Variants in DPF1 observed in about 807,000 individuals in gnomAD.
DPF1 encodes the protein double PHD fingers 1.
A neutral mutation model predicts 58.7 loss-of-function variants in DPF1; 14 were observed. That is an observed-to-expected ratio of 0.24 (90% confidence interval 0.16 to 0.37). The LOEUF (loss-of-function observed/expected upper bound fraction) is 0.37, where lower values mean the gene tolerates loss of function less well. Among genes scored for constraint, DPF1 ranks in the 10% least tolerant of loss-of-function variants. The pLI is 1.00. For missense variants in DPF1, 345 were observed against 529.9 expected (o/e 0.65, Z 3.43); for synonymous variants, 216 against 216.0 (o/e 1.00, Z 0.00).
chr19:38,226,539 C>CACACACA (rs1967832271), upstream of DPF1, among the ~76,000 whole-genome samples: 1 of 148,746 alleles, frequency 6.7e-6, no homozygotes, highest in Admixed American at 6.7e-5. Flanking sequence ...CACACACACA[C>CACACACA]TCCTCTAGTC....
At chr19:38,225,397 G>C (rs2146221304), upstream of DPF1, among the ~76,000 whole-genome samples, 1 of 151,980 alleles carries the variant, frequency 6.6e-6, no homozygotes, top group African/African-American at 2.4e-5. Context: ...CCAGACCCCT[G>C]TGTCTACAAA....
At chr19:38,226,575 A>G (rs1568643116), upstream of DPF1, among the ~76,000 whole-genome samples, 1 of 148,990 alleles carries the variant, frequency 6.7e-6, no homozygotes, top group Non-Finnish European at 1.5e-5. Flanking sequence ...AAACTCGCCC[A>G]TCTAAGCCAG....
In DPF1 at chr19:38,222,705, T is replaced by C. The variant is rs1015615084; in HGVS notation, c.33A>G (p.Leu11=). 7 of 1,596,120 alleles carry C rather than the reference T, an allele frequency of 4.4e-6. No homozygotes were observed. In the East Asian group the frequency reaches 1.6e-4, roughly 37 times the overall value. MATVIPGPLS[L]GEDFYREAIE... ...TGGCCTCGCGGTAGAAGTCCTCGCC[T>C]AGGCTAGAGGGGCGGCGAACGGGCG... Residue 11 remains leucine (L), a synonymous_variant, in exon 2 of 12, where the codon CTA becomes CTG. Transcript: ENST00000355526. The surrounding 1 kb of genome is among the most constrained non-coding windows in gnomAD (Gnocchi z 4.9).
intron 3 of DPF1, among the ~76,000 whole-genome samples, chr19:38,221,847 C>T (rs1258637050): frequency 6.6e-6 from 1 of 151,914 alleles, no homozygotes; most frequent in South Asian, 2.1e-4. Context: ...TTTGGGAGGC[C>T]GAGGTGGCCA....
intron 3 of DPF1, among the ~76,000 whole-genome samples, chr19:38,221,716 G>C (rs757575297): frequency 1.6e-4 from 25 of 152,090 alleles, no homozygotes; most frequent in Non-Finnish European, 3.1e-4. Flanking sequence ...TTGGAGGGCT[G>C]AGACAGGAGG....
upstream of DPF1, among the ~76,000 whole-genome samples, chr19:38,226,408 G>C (rs1372818406): frequency 3.3e-5 from 5 of 149,802 alleles, no homozygotes; most frequent in Non-Finnish European, 7.4e-5. Context: ...CGCCCCAGCC[G>C]ACAGAAGTGG....
In DPF1 at chr19:38,222,516, G is replaced by A. The variant is rs756494962; in HGVS notation, c.190+32C>T. On this transcript the variant is annotated intron_variant, in intron 2 of 11. Transcript: ENST00000355526. This position sits in a 1 kb window ranked among gnomAD's most constrained non-coding sequence, Gnocchi z 4.9. The stretch of plus-strand genomic sequence containing the variant: ...GGCGGCGGTGGGGCGGCCTGGCCCC[G>A]CCCCGCCCTGCGCCAGCCCTCCCGG... The A allele has an allele frequency of 3.1e-6, 5 of 1,603,584 alleles. No homozygotes were observed. Among genetic ancestry groups the A allele is most frequent in the Admixed American group, 1.7e-5 (1 of 58,804 alleles).
Position 38,216,147 on chromosome 19 carries a change from C to T in DPF1, c.891G>A (p.Gly297=). The T allele has an allele frequency of 3.7e-6, 6 of 1,613,188 alleles. No individual in the cohort carries two copies. Among genetic ancestry groups the T allele is most frequent in the Non-Finnish European group, 4.2e-6 (5 of 1,179,510 alleles). The change falls in exon 9 of 12, where the codon GGG becomes GGA. Residue 297 remains glycine (G), a synonymous_variant. Transcript: ENST00000355526. Reference sequence around the variant, plus strand: ...TCAGGTGGGGAGCATCACCTGATCGCCCACAGTCCGCACAGGAGATGAGGT... The same window carrying T: ...TCAGGTGGGGAGCATCACCTGATCGTCCACAGTCCGCACAGGAGATGAGGT... ...PEDLISCADC[G]RSGHPSCLQF...
chr19:38,221,571 A>G (rs1967477454), intron 3 of DPF1, among the ~76,000 whole-genome samples: 1 of 151,220 alleles, frequency 6.6e-6, no homozygotes, highest in Admixed American at 6.6e-5. Flanking sequence ...AGACTGATCC[A>G]TCCCAGTTCC....
Position 38,211,662 on chromosome 19 carries a change from T to TGGAGGACTCTTTGTATATA in DPF1, c.*382_*400dup, listed in dbSNP as rs1360125023. The stretch of plus-strand genomic sequence containing the variant: ...AGCGCCCCTCCACCCAGCCAGGCCT[T>TGGAGGACTCTTTGTATATA]GGAGGACTCTTTGTATATATTAACT... On this transcript the variant is annotated 3_prime_UTR_variant, in exon 12 of 12. Coordinates refer to ENST00000355526, the MANE Select transcript of DPF1 (RefSeq NM_001135155.3). The surrounding 1 kb of genome is among the most constrained non-coding windows in gnomAD (Gnocchi z 4.0). 6.4e-6 allele frequency: 1 copy of TGGAGGACTCTTTGTATATA among 156,518 alleles called. No homozygotes were observed. The highest frequency in any genetic ancestry group is 2.4e-5 in the African/African-American group (1 of 41,516). The allele number at this position is 156,518 out of a possible 1,614,324, so 9.7% of individuals were successfully genotyped here. A position where few individuals can be genotyped will look rare whatever the true frequency, so the allele number is the denominator to read the frequency against.
intron 10 of DPF1, 39 bp from the exon 11 acceptor site, chr19:38,212,400 A>G (rs1973515641): frequency 1.3e-6 from 1 of 767,954 alleles, no homozygotes; most frequent in Admixed American, 3.4e-5. Context: ...CCCTGGGGGC[A>G]CGGGCACCAG....
In DPF1 at chr19:38,229,619, CG is replaced by C; in HGVS notation, c.-193del. The C allele has an allele frequency of 9.4e-7, 1 of 1,058,312 alleles. No individual in the cohort carries two copies. Among genetic ancestry groups the C allele is most frequent in the East Asian group, 6.1e-5 (1 of 16,404 alleles). The allele number at this position is 1,058,312 out of a possible 1,614,324, so 65.6% of individuals were successfully genotyped here. ...CCGCTCGGCTGGGCCGCCTCCGGCC[CG>C]GGGCGCCGCTGCCGCCGCGCGCGGG... On this transcript the variant is annotated 5_prime_UTR_variant, in exon 1 of 12. Coordinates refer to the DPF1 transcript ENST00000412732. The surrounding 1 kb of genome is among the most constrained non-coding windows in gnomAD (Gnocchi z 5.3).
At chr19:38,219,081 G>A in intron 3 of DPF1, 23 bp from the exon 4 acceptor site, 2 of 1,612,376 alleles carry the variant, frequency 1.2e-6, no homozygotes, top group South Asian at 2.2e-5. Flanking sequence ...CCATGGGGGG[G>A]TCAGATGGGG....
intron 3 of DPF1, among the ~76,000 whole-genome samples, chr19:38,221,952 A>G (rs1967508058): frequency 2.0e-5 from 3 of 152,070 alleles, no homozygotes; most frequent in African/African-American, 7.2e-5. Context: ...ATGGTGGCGC[A>G]TGCCTGTAAT....
rs761121505 is a variant in DPF1 at position 38,219,068 on chromosome 19, G to A, written c.299-10C>T. On this transcript the variant is annotated splice_polypyrimidine_tract_variant and intron_variant, in intron 3 of 11. Transcript: ENST00000355526. ...AGGGGTGCTTCACAGTCTGGGGACA[G>A]GGCCATGGGGGGGTCAGATGGGGAA... The A allele has an allele frequency of 1.2e-6, 2 of 1,613,362 alleles. No individual in the cohort carries two copies. The highest frequency in any genetic ancestry group is 2.2e-5 in the South Asian group (2 of 91,076).
Position 38,211,407 on chromosome 19 carries a change from TG to T in DPF1, c.*655del, listed in dbSNP as rs1427659603. On this transcript the variant is annotated 3_prime_UTR_variant, in exon 12 of 12. Coordinates refer to ENST00000355526, the MANE Select transcript of DPF1 (RefSeq NM_001135155.3). The surrounding 1 kb of genome is among the most constrained non-coding windows in gnomAD (Gnocchi z 4.0). The stretch of plus-strand genomic sequence containing the variant: ...CGGCAGGCACGGGGCGGGCACAGGC[TG>T]GGGCGGTCGGGGAGGGGCAGGAACA... 6.6e-6 allele frequency: 1 copy of T among 152,172 alleles called. No individual in the cohort carries two copies. Among genetic ancestry groups the T allele is most frequent in the Non-Finnish European group, 1.5e-5 (1 of 68,134 alleles). The allele number at this position is 152,172 out of a possible 1,614,324, so 9.4% of individuals were successfully genotyped here. A position where few individuals can be genotyped will look rare whatever the true frequency, so the allele number is the denominator to read the frequency against.
intron 11 of DPF1, 21 bp downstream of exon 11, chr19:38,212,259 G>C (rs1410915634): frequency 2.8e-6 from 2 of 718,296 alleles, no homozygotes; most frequent in African/African-American, 4.0e-5. Context: ...CGCCCCATGG[G>C]ATGCCCACCT....
At chr19:38,220,247 G>GGAAA (rs751194906) in intron 3 of DPF1, among the ~76,000 whole-genome samples, 8 of 123,214 alleles carry the variant, frequency 6.5e-5, no homozygotes, top group South Asian at 5.2e-4. Flanking sequence ...AAAGAAGGAA[G>GGAAA]GAAAGAAAGA....
chr19:38,212,246 A>G lies in DPF1; in HGVS notation c.1093+34T>C, dbSNP rs746294615. Reference sequence around the variant, plus strand: ...CAACCAGGAGATGGCGTTCCCACCCACCCGCCCCATGGGATGCCCACCTCT... The same window carrying G: ...CAACCAGGAGATGGCGTTCCCACCCGCCCGCCCCATGGGATGCCCACCTCT... On this transcript the variant is annotated intron_variant, in intron 11 of 11. Transcript: ENST00000355526. 29 of 434,128 alleles carry G rather than the reference A, an allele frequency of 6.7e-5. No homozygotes were observed. In the African/African-American group the frequency reaches 8.9e-4, roughly 13 times the overall value. The allele number at this position is 434,128 out of a possible 1,614,324, so 26.9% of individuals were successfully genotyped here. A position where few individuals can be genotyped will look rare whatever the true frequency, so the allele number is the denominator to read the frequency against.
Sources: gnomAD v4.1 joint callset for allele counts (sites outside exome capture counted in the v4.1 genomes callset) on GRCh38, gnomAD v4.1.1 for gene constraint, Gnocchi (gnomAD v3.1) non-coding constraint, MANE v1.5 for transcripts, NCBI Gene and HGNC (gene_info 2026-07-23, HGNC 2026-07-21) for gene names.